The following NFIB variants were observed in gnomAD, a reference collection of about 807,000 sequenced individuals.
NFIB encodes the protein nuclear factor I B.
A neutral mutation model predicts 61.5 loss-of-function variants in NFIB; 11 were observed. The observed-to-expected ratio is 0.18, with a 90% confidence interval of 0.11 to 0.30. The LOEUF (loss-of-function observed/expected upper bound fraction) is 0.30, where lower values mean the gene tolerates loss of function less well. Among genes scored for constraint, NFIB ranks in the 10% least tolerant of loss-of-function variants. The pLI is 1.00. For synonymous variants in NFIB, 260 were observed against 216.5 expected (o/e 1.20, Z -1.76); for missense variants, 471 against 608.9 (o/e 0.77, Z 2.38).
At chr9:14,193,068 A>G (rs1301677369) in intron 2 of NFIB, among the ~76,000 whole-genome samples, 1 of 151,826 alleles carries the variant, frequency 6.6e-6, no homozygotes, top group Non-Finnish European at 1.5e-5. Flanking sequence ...AGTACTAAGT[A>G]CAAAATTCTG....
chr9:14,530,596 A>C, the NFIB span, among the ~76,000 whole-genome samples: 2 of 152,166 alleles, frequency 1.3e-5, no homozygotes, highest in African/African-American at 4.8e-5. Flanking sequence ...CTGAACGTTG[A>C]GCTTTCACGA....
chr9:14,510,211 A>G, the NFIB span, among the ~76,000 whole-genome samples: 1 of 152,190 alleles, frequency 6.6e-6, no homozygotes, highest in Non-Finnish European at 1.5e-5. Context: ...GACGCATTTT[A>G]AATCTGAGAT....
intron 3 of NFIB, among the ~76,000 whole-genome samples, chr9:14,168,861 T>C (rs11789923): frequency 0.063 from 9,563 of 152,278 alleles, 919 homozygotes; most frequent in African/African-American, 0.21. Context: ...CTCTGTTCTT[T>C]CTACATTCTT....
At chr9:14,228,938 T>TTCTTTTTAAA (rs2052777379) in intron 2 of NFIB, among the ~76,000 whole-genome samples, 1 of 152,138 alleles carries the variant, frequency 6.6e-6, no homozygotes, top group African/African-American at 2.4e-5. Flanking sequence ...TCTCTTTTAC[T>TTCTTTTTAAA]TCTTTTTAAA....
chr9:14,274,251 TACACACACAC>T (rs71321975), intron 2 of NFIB, among the ~76,000 whole-genome samples: 11 of 124,020 alleles, frequency 8.9e-5, no homozygotes, highest in South Asian at 3.2e-4. Context: ...TCTTCCTCCC[TACACACACAC>T]ACACACACAC....
At chr9:14,184,946 C>A (rs981839072) in intron 2 of NFIB, among the ~76,000 whole-genome samples, 1 of 152,104 alleles carries the variant, frequency 6.6e-6, no homozygotes, top group Non-Finnish European at 1.5e-5. Context: ...TCACTTGGAC[C>A]TGGGAGGTGG....
intron 2 of NFIB, among the ~76,000 whole-genome samples, chr9:14,228,599 T>C (rs948216517): frequency 6.6e-6 from 1 of 152,256 alleles, no homozygotes; most frequent in Non-Finnish European, 1.5e-5. Flanking sequence ...GTTCATTTAA[T>C]TTATTTGGGC....
In NFIB at chr9:14,120,664, G is replaced by GT; in HGVS notation, c.1061-41dup. 6.5e-7 allele frequency: 1 copy of GT among 1,540,118 alleles called. No homozygotes were observed. The highest frequency in any genetic ancestry group is 8.7e-7 in the Non-Finnish European group (1 of 1,143,936). On this transcript the variant is annotated intron_variant, in intron 7 of 10. Coordinates refer to ENST00000380953, the MANE Select transcript of NFIB (RefSeq NM_001190737.2). The surrounding 1 kb of genome is among the most constrained non-coding windows in gnomAD (Gnocchi z 4.4). ...AAAGGAAAGATTGACTCATCAGCTG[G>GT]TTACCTTATTGCTCCATTCTGATCC...
At chr9:14,167,884 C>G in intron 3 of NFIB, among the ~76,000 whole-genome samples, 1 of 152,208 alleles carries the variant, frequency 6.6e-6, no homozygotes, top group East Asian at 1.9e-4. Flanking sequence ...GCAAACAGGA[C>G]TTCTCTATAA....
chr9:14,417,203 T>G, the NFIB span, among the ~76,000 whole-genome samples: 2 of 152,198 alleles, frequency 1.3e-5, no homozygotes, highest in African/African-American at 2.4e-5. Flanking sequence ...AAATCTTTTA[T>G]ACTGTATTTT....
intron 1 of NFIB, among the ~76,000 whole-genome samples, chr9:14,349,605 T>C (rs899544446): frequency 6.6e-6 from 1 of 152,052 alleles, no homozygotes; most frequent in Non-Finnish European, 1.5e-5. Context: ...CGGCACTTTA[T>C]TTCCTGGGGC....
chr9:14,326,679 C>T (rs2060755816), intron 1 of NFIB, among the ~76,000 whole-genome samples: 1 of 118,724 alleles, frequency 8.4e-6, no homozygotes, highest in Non-Finnish European at 1.7e-5. Flanking sequence ...TTTTCAAGAG[C>T]AGGTTAAAGT....
chr9:14,224,499 A>G (rs1563919301), intron 2 of NFIB, among the ~76,000 whole-genome samples: 1 of 152,248 alleles, frequency 6.6e-6, no homozygotes, highest in African/African-American at 2.4e-5. Context: ...TCAACCAACC[A>G]TGGAACAAAA....
intron 2 of NFIB, among the ~76,000 whole-genome samples, chr9:14,209,509 G>C (rs2050090376): frequency 6.6e-6 from 1 of 152,194 alleles, no homozygotes; most frequent in South Asian, 2.1e-4. Context: ...TTTTGGCAGG[G>C]GGCCAGCACA....
chr9:14,483,215 A>T, the NFIB span, among the ~76,000 whole-genome samples: 1 of 152,234 alleles, frequency 6.6e-6, no homozygotes, highest in African/African-American at 2.4e-5. Context: ...GTTTGTGACT[A>T]AAATTATTTA....
intron 2 of NFIB, among the ~76,000 whole-genome samples, chr9:14,281,303 G>C (rs1463591268): frequency 6.6e-6 from 1 of 152,162 alleles, no homozygotes; most frequent in Admixed American, 6.6e-5. Flanking sequence ...GTAATGTACT[G>C]TCTGCTGAGT....
chr9:14,351,170 C>T (rs944610611), intron 1 of NFIB, among the ~76,000 whole-genome samples: 1 of 152,194 alleles, frequency 6.6e-6, no homozygotes, highest in South Asian at 2.1e-4. Context: ...ATCTGCACCT[C>T]CTATGGTCCA....
the NFIB span, among the ~76,000 whole-genome samples, chr9:14,490,662 G>C: frequency 2.0e-5 from 3 of 152,278 alleles, no homozygotes; most frequent in African/African-American, 7.2e-5. Context: ...TTTCACAGCA[G>C]AGACAATGTG....
intron 3 of NFIB, among the ~76,000 whole-genome samples, chr9:14,159,427 A>G (rs2043877453): frequency 6.6e-6 from 1 of 152,186 alleles, no homozygotes; most frequent in Admixed American, 6.5e-5. Context: ...CATGGAGCCC[A>G]GTGAGACTTT....
Sources: gnomAD v4.1 joint callset for allele counts (sites outside exome capture counted in the v4.1 genomes callset) on GRCh38, gnomAD v4.1.1 for gene constraint, Gnocchi (gnomAD v3.1) non-coding constraint, MANE v1.5 for transcripts, NCBI Gene and HGNC (gene_info 2026-07-23, HGNC 2026-07-21) for gene names.